PCSK1: variants seen among roughly 807,000 people sequenced by gnomAD.
PCSK1 encodes the protein neuroendocrine convertase 1.
In PCSK1, 56 loss-of-function variants were observed where a neutral mutation model predicts 90.6. The ratio of observed to expected loss-of-function variants is 0.62; its 90% CI spans 0.50 to 0.77. The LOEUF (loss-of-function observed/expected upper bound fraction) is 0.77. Ranked by LOEUF, PCSK1 falls within the 30% of genes least tolerant of loss-of-function variation. The pLI, the probability that PCSK1 is intolerant of heterozygous loss-of-function variation, is 0.00. For synonymous variants in PCSK1, 348 were observed against 342.4 expected, an observed-to-expected ratio of 1.02 and a Z score of -0.18; for missense variants, 801 against 932.6, an observed-to-expected ratio of 0.86 and a Z score of 1.84.
At chr5:96,399,824 GA>G in intron 10 of PCSK1, 128 bp downstream of exon 10, 1 of 732,562 alleles carries the variant, frequency 1.4e-6, no homozygotes, top group African/African-American at 1.7e-5. Context: ...TACCCACAGA[GA>G]ACACTAGAAA....
chr5:96,410,736 C>T, intron 8 of PCSK1, 38 bp downstream of exon 8: 1 of 1,515,838 alleles, frequency 6.6e-7, no homozygotes, highest in East Asian at 2.3e-5. Context: ...GCCACGCTCT[C>T]CTAACTAAGC....
rs1352045042 is a variant in PCSK1 at position 96,425,064 on chromosome 5, GAAAGA to G, written c.396+751_396+755del. Among the ~76,000 whole-genome samples the G allele has an allele frequency of 4.6e-4, 64 of 137,662 alleles. No homozygotes were observed. The East Asian group carries it at 5.5e-3, about 12-fold the overall frequency. The allele number at this position is 137,662 out of a possible 152,430, so 90.3% of individuals were successfully genotyped here. ...AGAAAGAAAGAAAGAAAGAAAGAAA[GAAAGA>G]AAGAAAACGTAGGGTCAAGAGAAAC... is the stretch of plus-strand genomic sequence containing the variant. On this transcript the variant is annotated intron_variant, in intron 3 of 13. Transcript: ENST00000311106.
chr5:96,432,867 C>T lies in PCSK1; in HGVS notation c.176G>A (p.Gly59Asp), dbSNP rs769265374. ...CTTGAAAGTGGAAACTCTTACCTGACCCAAAAGGTCATAGCCCAGCTCCTC... is the reference window on the plus strand; with the variant it reads ...CTTGAAAGTGGAAACTCTTACCTGATCCAAAAGGTCATAGCCCAGCTCCTC... ...IAEELGYDLLGQIGSLENHYL... is the reference protein window; with the variant it reads ...IAEELGYDLLDQIGSLENHYL... Residue 59 changes from glycine (G) to aspartate (D), a missense_variant, in exon 1 of 14, where the codon GGT (glycine) becomes GAT (aspartate). By Grantham distance (94) the Gly-to-Asp change is moderately conservative. Transcript: ENST00000311106. The T allele has an allele frequency of 1.2e-6, 2 of 1,613,360 alleles. No individual in the cohort carries two copies. Among genetic ancestry groups the T allele is most frequent in the East Asian group, 2.2e-5 (1 of 44,864 alleles).
chr5:96,426,567 A>G (rs1029052920), intron 2 of PCSK1, among the ~76,000 whole-genome samples: 11 of 152,180 alleles, frequency 7.2e-5, no homozygotes, highest in Admixed American at 2.6e-4. Flanking sequence ...ATGCAAAGAG[A>G]TCTGACAATA....
At chr5:96,412,220 A>G in intron 7 of PCSK1, 98 bp downstream of exon 7, 3 of 1,063,244 alleles carry the variant, frequency 2.8e-6, no homozygotes, top group Non-Finnish European at 4.4e-6. Flanking sequence ...TAAGAAATCC[A>G]CAACAATGTT....
chr5:96,394,997 A>G lies in PCSK1; in HGVS notation c.1751T>C (p.Ile584Thr). 1 of 1,613,976 alleles carries G rather than the reference A, an allele frequency of 6.2e-7. No homozygotes were observed. The highest frequency in any genetic ancestry group is 8.5e-7 in the Non-Finnish European group (1 of 1,179,814). The change falls in exon 13 of 14, where the codon ATT (isoleucine) becomes ACT (threonine). Residue 584 changes from isoleucine (I) to threonine (T), a missense_variant. Physicochemically the swap from Ile to Thr is moderately conservative, Grantham distance 89. Transcript: ENST00000311106. ...GTGCAAAATCAGCTTCCAGTTCACA[A>G]TTCTTCCTTCATTTTGAATTCTTCC... ...MSGRIQNEGR[I>T]VNWKLILHGT...
At chr5:96,419,436 CCT>C (rs201340377) in intron 5 of PCSK1, among the ~76,000 whole-genome samples, 1 of 131,106 alleles carries the variant, frequency 7.6e-6, no homozygotes. Context: ...TCTCTCTCTC[CCT>C]CTCTCTCTCT....
At chr5:96,394,306 GTGAACGACTTATTTTAGCTATCCTC>G (rs1445392133) in intron 13 of PCSK1, among the ~76,000 whole-genome samples, 3 of 152,242 alleles carry the variant, frequency 2.0e-5, no homozygotes, top group Non-Finnish European at 2.9e-5. Context: ...ACCCAGGAAT[GTGAACGACTTATTTTAGCTATCCTC>G]TGAAATTTTT....
In PCSK1 at chr5:96,400,106, C is replaced by T. The variant is rs1349096462; in HGVS notation, c.1277G>A (p.Trp426Ter). ...CATCAAGCCTGCTCCATTCTTTTTC[C>T]ATCCAGGGTTATTGGCCAGCGGGTC... ...EYDPLANNPG[W>*]KKNGAGLMVN... Residue 426 changes from tryptophan (W) to a stop codon, truncating the protein, a stop_gained, in exon 10 of 14, where the codon TGG (tryptophan) becomes TAG (stop). Transcript: ENST00000311106. LOFTEE classifies it high-confidence loss of function. 1 of 1,614,160 alleles carries T rather than the reference C, an allele frequency of 6.2e-7. No homozygotes were observed.
At chr5:96,395,464 A>T (rs1447392248) in intron 12 of PCSK1, among the ~76,000 whole-genome samples, 1 of 152,212 alleles carries the variant, frequency 6.6e-6, no homozygotes, top group Non-Finnish European at 1.5e-5. Context: ...ATGCAGCCAT[A>T]AAAAAGAGTG....
Position 96,392,695 on chromosome 5 carries a change from C to A in PCSK1, c.*306G>T. ...CTTTTCTTTTGAGAATTGAAATGGG[C>A]TCTAATGCAGTGTTCTAATGTAGTG... is the stretch of plus-strand genomic sequence containing the variant. On this transcript the variant is annotated 3_prime_UTR_variant, in exon 14 of 14. Coordinates refer to ENST00000311106, the MANE Select transcript of PCSK1 (RefSeq NM_000439.5). The A allele has an allele frequency of 3.1e-6, 1 of 326,678 alleles. No homozygotes were observed. Among genetic ancestry groups the A allele is most frequent in the Non-Finnish European group, 5.6e-6 (1 of 179,026 alleles). The allele number at this position is 326,678 out of a possible 1,614,324, so 20.2% of individuals were successfully genotyped here.
intron 5 of PCSK1, among the ~76,000 whole-genome samples, chr5:96,421,590 C>G (rs1289254694): frequency 6.6e-6 from 1 of 152,128 alleles, no homozygotes; most frequent in Non-Finnish European, 1.5e-5. Flanking sequence ...AAAGTGTGTA[C>G]TCTTTATGTC....
intron 3 of PCSK1, 56 bp downstream of exon 3, chr5:96,425,764 A>G: frequency 1.1e-6 from 1 of 943,186 alleles, no homozygotes; most frequent in Non-Finnish European, 1.8e-6. Flanking sequence ...AAATGTAACA[A>G]CATAAAGAAG....
chr5:96,411,257 C>A (rs1189083761), intron 7 of PCSK1, among the ~76,000 whole-genome samples: 1 of 152,220 alleles, frequency 6.6e-6, no homozygotes, highest in African/African-American at 2.4e-5. Context: ...CATAATCTAG[C>A]GTTTTGCACT....
intron 13 of PCSK1, among the ~76,000 whole-genome samples, chr5:96,394,481 T>C (rs1177516336): frequency 1.3e-5 from 2 of 152,218 alleles, no homozygotes; most frequent in African/African-American, 4.8e-5. Flanking sequence ...ATGTCTATCC[T>C]TCCTAGGTTA....
rs1446194101 is a variant in PCSK1, at chr5:96,432,015, C to T, written c.180+848G>A. ...ACGCCCACCCACCTCCAACCAGCTA[C>T]CTATCGACCAAGCCTTCACTTGGAC... On this transcript the variant is annotated intron_variant, in intron 1 of 13. Transcript: ENST00000311106. The T allele has an allele frequency of 8.9e-6, 10 of 1,122,614 alleles. No homozygotes were observed. The Admixed American group carries it at 1.8e-4, about 20-fold the overall frequency. 69.5% of individuals were successfully genotyped at this position (1,122,614 alleles called of 1,614,324 possible).
chr5:96,411,056 T>C, intron 7 of PCSK1, 70 bp from the exon 8 acceptor site: 4 of 1,078,690 alleles, frequency 3.7e-6, no homozygotes, highest in Non-Finnish European at 5.8e-6. Flanking sequence ...CCCAATAAAA[T>C]CCCCAACGAC....
At chr5:96,415,151 C>A (rs577706880) in intron 6 of PCSK1, among the ~76,000 whole-genome samples, 1 of 152,310 alleles carries the variant, frequency 6.6e-6, no homozygotes, top group Non-Finnish European at 1.5e-5. Flanking sequence ...CTCTTGGCCC[C>A]TGCAGATACA....
At chr5:96,397,954 A>C (rs1284738667) in intron 11 of PCSK1, among the ~76,000 whole-genome samples, 1 of 151,942 alleles carries the variant, frequency 6.6e-6, no homozygotes, top group Non-Finnish European at 1.5e-5. Flanking sequence ...ATAATTATTT[A>C]ATTAATGTAT....
Sources: gnomAD v4.1 joint callset for allele counts (sites outside exome capture counted in the v4.1 genomes callset) on GRCh38, gnomAD v4.1.1 for gene constraint, MANE v1.5 for transcripts, NCBI Gene and HGNC (gene_info 2026-07-23, HGNC 2026-07-21) for gene names.